DCBLD2: variants seen among roughly 807,000 people sequenced by gnomAD.
DCBLD2 encodes discoidin, CUB and LCCL domain-containing protein 2.
A neutral mutation model predicts 86.8 loss-of-function variants in DCBLD2; 54 were observed. The ratio of observed to expected loss-of-function variants is 0.62; its 90% CI spans 0.50 to 0.78. The LOEUF is 0.78. Among genes scored for constraint, DCBLD2 ranks in the 30% least tolerant of loss-of-function variants. The pLI, the probability that DCBLD2 is intolerant of heterozygous loss-of-function variation, is 0.00. For synonymous variants in DCBLD2, 354 were observed against 341.3 expected (o/e 1.04, Z -0.41); for missense variants, 908 against 954.2 (o/e 0.95, Z 0.64).
Position 98,799,717 on chromosome 3 carries a change from T to C in DCBLD2, c.1983A>G (p.Glu661=). The C allele has an allele frequency of 6.2e-7, 1 of 1,614,018 alleles. No homozygotes were observed. Among genetic ancestry groups the C allele is most frequent in the Non-Finnish European group, 8.5e-7 (1 of 1,179,890 alleles). Residue 661 remains glutamate, a synonymous_variant, in exon 16 of 16, where the codon GAA becomes GAG. Transcript: ENST00000326840. ...GTGGTTCAGCATAGGCATGATAAACTTCCTGCCCTGGTGAGTTGTAAGGAT... is the reference window on the plus strand; with the variant it reads ...GTGGTTCAGCATAGGCATGATAAACCTCCTGCCCTGGTGAGTTGTAAGGAT... The part of the protein sequence containing the change: ...DLDPYNSPGQ[E]VYHAYAEPLP...
In DCBLD2 at chr3:98,819,356, T is replaced by A; in HGVS notation, c.933A>T (p.Ser311=). 1 of 1,613,824 alleles carries A rather than the reference T, an allele frequency of 6.2e-7. No homozygotes were observed. The highest frequency in any genetic ancestry group is 8.5e-7 in the Non-Finnish European group (1 of 1,179,782). The change falls in exon 8 of 16, where the codon TCA becomes TCT. Residue 311 remains serine, a synonymous_variant. Coordinates refer to ENST00000326840, the MANE Select transcript of DCBLD2 (RefSeq NM_080927.4). ...TGTGGTCAGTCCACTCCAGCACAGA[T>A]GATGCTGTTATTTGAGGATCCGCGA... ...GVIADPQITA[S]SVLEWTDHTG...
At chr3:98,801,330 AAC>A (rs752530005) in intron 14 of DCBLD2, 6 of 402,926 alleles carry the variant, frequency 1.5e-5, no homozygotes, top group Non-Finnish European at 2.2e-5. Context: ...CCTCATGAGA[AAC>A]AGATACACAG....
chr3:98,884,985 A>T (rs1943535675), intron 1 of DCBLD2, among the ~76,000 whole-genome samples: 1 of 152,204 alleles, frequency 6.6e-6, no homozygotes, highest in Admixed American at 6.5e-5. Context: ...CTCAATAAAT[A>T]CACGAACATT....
intron 3 of DCBLD2, among the ~76,000 whole-genome samples, chr3:98,839,632 A>T (rs527368204): frequency 6.6e-6 from 1 of 152,346 alleles, no homozygotes; most frequent in East Asian, 1.9e-4. Context: ...CATTCAGCAT[A>T]TATTTAATAA....
chr3:98,853,984 G>T (rs1011983772), intron 2 of DCBLD2, among the ~76,000 whole-genome samples: 16 of 150,884 alleles, frequency 1.1e-4, no homozygotes, highest in East Asian at 5.8e-4. Flanking sequence ...TTACGAACAG[G>T]TTTTTTTTTT....
chr3:98,886,125 CCAAAGATCAGCAGTTATA>C (rs893596010), intron 1 of DCBLD2, among the ~76,000 whole-genome samples: 14 of 151,814 alleles, frequency 9.2e-5, no homozygotes, highest in Admixed American at 3.3e-4. Context: ...TGGTTTTCCC[CCAAAGATCAGCAGTTATA>C]CTAAAGAGTT....
chr3:98,844,442 T>C (rs183358458), intron 3 of DCBLD2, among the ~76,000 whole-genome samples: 262 of 151,698 alleles, frequency 1.7e-3, no homozygotes, highest in Admixed American at 6.3e-3. Context: ...ACTGCAACCT[T>C]CGCCTCCCGG....
At chr3:98,853,564 C>T (rs1162922595) in intron 2 of DCBLD2, among the ~76,000 whole-genome samples, 1 of 152,168 alleles carries the variant, frequency 6.6e-6, no homozygotes, top group African/African-American at 2.4e-5. Flanking sequence ...GAGCTTGTAG[C>T]CACTTGTACA....
In DCBLD2 at chr3:98,881,777, A is replaced by G. The variant is rs569094251; in HGVS notation, c.206-10T>C. ...TGTCCACATCCATCACCTTTAAAAA[A>G]AGTGAAAAGAATGATAAATTATTCT... On this transcript the variant is annotated splice_polypyrimidine_tract_variant and intron_variant, in intron 1 of 15. Transcript: ENST00000326840. 1 of 1,579,886 alleles carries G rather than the reference A, an allele frequency of 6.3e-7. No homozygotes were observed. The highest frequency in any genetic ancestry group is 1.3e-5 in the African/African-American group (1 of 74,328).
chr3:98,840,887 C>T (rs535490314), intron 3 of DCBLD2, among the ~76,000 whole-genome samples: 1 of 152,110 alleles, frequency 6.6e-6, no homozygotes, highest in Non-Finnish European at 1.5e-5. Context: ...CATTACTGCA[C>T]GAAGTATCAC....
At chr3:98,899,260 C>CT (rs10605926) in intron 1 of DCBLD2, among the ~76,000 whole-genome samples, 1,098 of 101,710 alleles carry the variant, frequency 0.011, 20 homozygotes, top group African/African-American at 0.035. Context: ...ATTTCTTTTT[C>CT]TTTTTTTTTT....
Position 98,870,808 on chromosome 3 carries a change from A to AG in DCBLD2, c.433+10731dup, listed in dbSNP as rs1491366508. On this transcript the variant is annotated intron_variant, in intron 2 of 15. Transcript: ENST00000326840. ...AAGAAAGAAAGAAAGAAAGAAAGAA[A>AG]GAAAGGTAGGCAGGCATTGGTGGTA... is the stretch of plus-strand genomic sequence containing the variant. Among the ~76,000 whole-genome samples, 196 of 141,334 alleles carry AG rather than the reference A, an allele frequency of 1.4e-3. 5 individuals are homozygous for AG. Among genetic ancestry groups the AG allele is most frequent in the East Asian group, 3.6e-3 (18 of 5,052 alleles). The allele number at this position is 141,334 out of a possible 152,430, so 92.7% of individuals were successfully genotyped here. A position where few individuals can be genotyped will look rare whatever the true frequency, so the allele number is the denominator to read the frequency against.
At chr3:98,801,266 C>T (rs1941713191) in intron 14 of DCBLD2, 1 of 303,220 alleles carries the variant, frequency 3.3e-6, no homozygotes, top group South Asian at 1.1e-4. Flanking sequence ...GTCCTGGAGA[C>T]CACAGTCTTT....
chr3:98,866,428 T>A (rs1265025700), intron 2 of DCBLD2, among the ~76,000 whole-genome samples: 2 of 152,214 alleles, frequency 1.3e-5, no homozygotes, highest in Non-Finnish European at 2.9e-5. Context: ...GGTATCTCAT[T>A]GTGGTTTTGA....
At chr3:98,882,975 T>C (rs1943498256) in intron 1 of DCBLD2, among the ~76,000 whole-genome samples, 1 of 152,248 alleles carries the variant, frequency 6.6e-6, no homozygotes, top group African/African-American at 2.4e-5. Context: ...TTTCTAGTTC[T>C]AGATCCTTGA....
At chr3:98,821,271 G>A (rs976112584) in intron 6 of DCBLD2, 1 of 152,172 alleles carries the variant, frequency 6.6e-6, no homozygotes, top group Non-Finnish European at 1.5e-5. Flanking sequence ...AGAAAAGCTG[G>A]TTTCAATTAG....
chr3:98,844,379 T>C (rs1454588676), intron 3 of DCBLD2, among the ~76,000 whole-genome samples: 1 of 88,418 alleles, frequency 1.1e-5, no homozygotes, highest in African/African-American at 4.3e-5. Context: ...TATTTTGGGA[T>C]AGAGTTTCAT....
intron 13 of DCBLD2, among the ~76,000 whole-genome samples, chr3:98,804,002 TTC>T (rs1426503136): frequency 8.5e-5 from 13 of 152,180 alleles, no homozygotes; most frequent in Non-Finnish European, 1.6e-4. Flanking sequence ...TGGTCTAAAA[TTC>T]TCTTTTTTTT....
chr3:98,890,113 A>G (rs901232375), intron 1 of DCBLD2, among the ~76,000 whole-genome samples: 2 of 152,008 alleles, frequency 1.3e-5, no homozygotes, highest in Non-Finnish European at 2.9e-5. Flanking sequence ...GTGTCCCTCA[A>G]AAAGACACAT....
Sources: gnomAD v4.1 joint callset for allele counts (sites outside exome capture counted in the v4.1 genomes callset) on GRCh38, gnomAD v4.1.1 for gene constraint, MANE v1.5 for transcripts, NCBI Gene and HGNC (gene_info 2026-07-23, HGNC 2026-07-21) for gene names.